The following PCOLCE2 variants were observed in gnomAD, a reference collection of about 807,000 sequenced individuals.
PCOLCE2 encodes procollagen C-proteinase enhancer 2.
PCOLCE2 carries 42 observed loss-of-function variants against 47.0 expected under a neutral mutation model. The observed-to-expected ratio is 0.89, with a 90% CI of 0.70 to 1.16. The LOEUF (loss-of-function observed/expected upper bound fraction) is 1.16, where lower values mean the gene tolerates loss of function less well. Ranked by LOEUF, PCOLCE2 falls within the 50% of genes most tolerant of loss-of-function variation. The pLI is 0.00. For synonymous variants in PCOLCE2, 169 were observed against 191.7 expected (o/e 0.88, Z 0.98); for missense variants, 500 against 526.1 (o/e 0.95, Z 0.49).
chr3:142,884,933 T>C (rs1465789741), intron 2 of PCOLCE2, among the ~76,000 whole-genome samples: 1 of 152,258 alleles, frequency 6.6e-6, no homozygotes, highest in Non-Finnish European at 1.5e-5. Flanking sequence ...GTGGCTAGTA[T>C]GACTAAGAAA....
chr3:142,839,405 C>T (rs1296981518), intron 4 of PCOLCE2, among the ~76,000 whole-genome samples: 2 of 152,002 alleles, frequency 1.3e-5, no homozygotes, highest in African/African-American at 4.8e-5. Flanking sequence ...CTCTGCCTCC[C>T]GGGTTCAAGC....
rs577629476 is a variant in PCOLCE2 at position 142,818,066 on chromosome 3, C to T, written c.*269G>A. The T allele has an allele frequency of 3.2e-6, 1 of 312,332 alleles. No homozygotes were observed. Among genetic ancestry groups the T allele is most frequent in the Admixed American group, 4.3e-5 (1 of 23,252 alleles). 19.3% of individuals were successfully genotyped at this position (312,332 alleles called of 1,614,324 possible). On this transcript the variant is annotated 3_prime_UTR_variant, in exon 9 of 9. Coordinates refer to ENST00000295992, the MANE Select transcript of PCOLCE2 (RefSeq NM_013363.4). Reference sequence around the variant, plus strand: ...AGATGTATAAATAAACGCTTCCAAGCTGTCAACGCTTGACACTTTTAGCTT... The same window carrying T: ...AGATGTATAAATAAACGCTTCCAAGTTGTCAACGCTTGACACTTTTAGCTT...
chr3:142,872,196 T>C (rs1344543846), intron 2 of PCOLCE2, among the ~76,000 whole-genome samples: 2 of 152,224 alleles, frequency 1.3e-5, no homozygotes, highest in African/African-American at 4.8e-5. Context: ...CTTTGGGGAC[T>C]AGAAGCAGTG....
intron 6 of PCOLCE2, chr3:142,827,334 T>C (rs1937092991): frequency 2.8e-6 from 4 of 1,426,904 alleles, no homozygotes; most frequent in Middle Eastern, 2.5e-4. Flanking sequence ...GCCTTCAAGA[T>C]GGGTTTGTCA....
intron 2 of PCOLCE2, among the ~76,000 whole-genome samples, chr3:142,861,528 C>T (rs138184128): frequency 4.0e-5 from 6 of 151,728 alleles, no homozygotes; most frequent in African/African-American, 1.2e-4. Context: ...TTTAAATTTC[C>T]AACAGTGTTT....
chr3:142,888,804 G>T lies in PCOLCE2; in HGVS notation c.83+10C>A. ...GGAGAGAAAGGGAGCCCGGGCAGGGGTCGCGTTACCTCTCTGGGGACTGCT... is the reference window on the plus strand; with the variant it reads ...GGAGAGAAAGGGAGCCCGGGCAGGGTTCGCGTTACCTCTCTGGGGACTGCT... On this transcript the variant is annotated intron_variant, in intron 1 of 8. Transcript: ENST00000295992. The T allele has an allele frequency of 6.8e-7, 1 of 1,477,984 alleles. No individual in the cohort carries two copies. Among genetic ancestry groups the T allele is most frequent in the Admixed American group, 2.4e-5 (1 of 42,314 alleles). The allele number at this position is 1,477,984 out of a possible 1,614,324, so 91.6% of individuals were successfully genotyped here.
intron 5 of PCOLCE2, among the ~76,000 whole-genome samples, chr3:142,835,022 C>T (rs1937187549): frequency 6.6e-6 from 1 of 151,666 alleles, no homozygotes; most frequent in Non-Finnish European, 1.5e-5. Context: ...TCCATTTTTG[C>T]TTGAAAAAAA....
chr3:142,869,409 A>C (rs1007152727), intron 2 of PCOLCE2, among the ~76,000 whole-genome samples: 1 of 152,174 alleles, frequency 6.6e-6, no homozygotes, highest in African/African-American at 2.4e-5. Context: ...TTTTACCCCA[A>C]AATATATTTC....
At chr3:142,868,732 G>A (rs531463470) in intron 2 of PCOLCE2, among the ~76,000 whole-genome samples, 1 of 152,154 alleles carries the variant, frequency 6.6e-6, no homozygotes, top group African/African-American at 2.4e-5. Context: ...ACAAGGGAAC[G>A]AACGACACAG....
chr3:142,884,969 T>C (rs756972000), intron 2 of PCOLCE2, among the ~76,000 whole-genome samples: 3 of 152,330 alleles, frequency 2.0e-5, no homozygotes, highest in Admixed American at 1.3e-4. Context: ...AATTTACATT[T>C]AAATAGCCAA....
intron 1 of PCOLCE2, 146 bp from the exon 2 acceptor site, chr3:142,887,923 T>G: frequency 1.8e-6 from 1 of 566,942 alleles, no homozygotes; most frequent in Admixed American, 3.2e-5. Context: ...GATCTGAAAA[T>G]TTGCTAGCTC....
At chr3:142,834,606 G>A (rs1387600850) in intron 5 of PCOLCE2, among the ~76,000 whole-genome samples, 2 of 152,246 alleles carry the variant, frequency 1.3e-5, no homozygotes, top group East Asian at 3.9e-4. Context: ...AAGTCCACAA[G>A]TCACACTTTA....
chr3:142,838,716 A>G, intron 5 of PCOLCE2, 54 bp downstream of exon 5: 1 of 1,500,626 alleles, frequency 6.7e-7, no homozygotes, highest in Non-Finnish European at 9.2e-7. Flanking sequence ...AAACTGAACA[A>G]GAAACAAGTT....
chr3:142,837,976 T>C (rs1156639446), intron 5 of PCOLCE2, among the ~76,000 whole-genome samples: 1 of 152,214 alleles, frequency 6.6e-6, no homozygotes, highest in Non-Finnish European at 1.5e-5. Context: ...GTAAAATCAT[T>C]TGGGTTTGTC....
intron 2 of PCOLCE2, among the ~76,000 whole-genome samples, chr3:142,848,882 A>G (rs6764412): frequency 0.62 from 94,696 of 151,988 alleles, 29,869 homozygotes; most frequent in Non-Finnish European, 0.66. Flanking sequence ...GGCCAGGCAC[A>G]GTGGCTCACA....
At chr3:142,828,107 C>T (rs976221626) in intron 6 of PCOLCE2, among the ~76,000 whole-genome samples, 1 of 152,234 alleles carries the variant, frequency 6.6e-6, no homozygotes, top group African/African-American at 2.4e-5. Flanking sequence ...ATTCACCTGA[C>T]AGTGGCCACA....
intron 2 of PCOLCE2, among the ~76,000 whole-genome samples, chr3:142,882,821 C>G (rs1933651406): frequency 6.6e-6 from 1 of 152,154 alleles, no homozygotes; most frequent in Non-Finnish European, 1.5e-5. Context: ...TTCCAGCGAT[C>G]TCTGCATAAC....
chr3:142,865,767 C>A (rs1312183344), intron 2 of PCOLCE2, among the ~76,000 whole-genome samples: 1 of 152,104 alleles, frequency 6.6e-6, no homozygotes, highest in Non-Finnish European at 1.5e-5. Flanking sequence ...TCAACAAAAT[C>A]AATGTATGGA....
intron 6 of PCOLCE2, chr3:142,827,713 C>T (rs1381334400): frequency 1.9e-5 from 18 of 957,624 alleles, no homozygotes; most frequent in South Asian, 8.4e-5. Flanking sequence ...CGCTGTGACC[C>T]GAGTTGTGGA....
Sources: gnomAD v4.1 joint callset for allele counts (sites outside exome capture counted in the v4.1 genomes callset) on GRCh38, gnomAD v4.1.1 for gene constraint, MANE v1.5 for transcripts, NCBI Gene and HGNC (gene_info 2026-07-23, HGNC 2026-07-21) for gene names.